PTPRN2: variants seen among roughly 807,000 people sequenced by gnomAD.
PTPRN2 encodes the protein receptor-type tyrosine-protein phosphatase N2.
In PTPRN2, 74 loss-of-function variants were observed where a neutral mutation model predicts 118.8. The ratio of observed to expected loss-of-function variants is 0.62; its 90% CI spans 0.52 to 0.76. PTPRN2 has a LOEUF of 0.76. Ranked by LOEUF, PTPRN2 falls within the 30% of genes least tolerant of loss-of-function variation. The probability of loss-of-function intolerance (pLI) is 0.00; values close to 1 mark genes in which losing one functional copy is unlikely to be tolerated. For missense variants in PTPRN2, 1,481 were observed against 1,394.4 expected, an observed-to-expected ratio of 1.06 and a Z score of -0.99; for synonymous variants, 641 against 608.0, an observed-to-expected ratio of 1.05 and a Z score of -0.80.
chr7:158,032,328 C>A (rs987438441), intron 11 of PTPRN2, among the ~76,000 whole-genome samples: 2 of 152,176 alleles, frequency 1.3e-5, no homozygotes, highest in Non-Finnish European at 2.9e-5. Context: ...TTAGAGACAG[C>A]ACAGCCCCTG....
rs201254918 is a variant in PTPRN2, at chr7:157,997,665, AAG to A, written c.1723+83631_1723+83632del. Reference sequence around the variant, plus strand: ...TGACAGAAAGCCGGGTTTCTACAGAAAGAGGAGGCCAGGGAGGGGCAGAGCCT... The same window carrying A: ...TGACAGAAAGCCGGGTTTCTACAGAAAGGAGGCCAGGGAGGGGCAGAGCCT... On this transcript the variant is annotated intron_variant, in intron 11 of 22. Coordinates refer to ENST00000389418, the MANE Select transcript of PTPRN2 (RefSeq NM_002847.5). 3.9e-3 allele frequency among the ~76,000 whole-genome samples: 587 copies of A among 150,794 alleles called. 4 individuals carry two copies. Among genetic ancestry groups the A allele is most frequent in the African/African-American group, 0.012 (485 of 41,116 alleles).
In PTPRN2 at chr7:157,587,617, G is replaced by C. The variant is rs1385109794; in HGVS notation, c.2496+7621C>G. On this transcript the variant is annotated intron_variant, in intron 17 of 22. Transcript: ENST00000389418. This position sits in a 1 kb window ranked among gnomAD's most constrained non-coding sequence, Gnocchi z 5.3. Reference sequence around the variant, plus strand: ...GAAATTGAAAGTGCACCTTTTTCTTGGTAAAATGTTGATGTGCAATAAGAG... The same window carrying C: ...GAAATTGAAAGTGCACCTTTTTCTTCGTAAAATGTTGATGTGCAATAAGAG... Among the ~76,000 whole-genome samples the C allele has an allele frequency of 6.6e-6, 1 of 152,206 alleles. No homozygotes were observed. The highest frequency in any genetic ancestry group is 1.5e-5 in the Non-Finnish European group (1 of 68,040).
intron 1 of PTPRN2, among the ~76,000 whole-genome samples, chr7:158,515,884 G>A (rs368801458): frequency 4.5e-4 from 69 of 152,210 alleles, no homozygotes; most frequent in African/African-American, 1.6e-3. Context: ...TCCTAAATAC[G>A]TTTCCACACT....
intron 13 of PTPRN2, among the ~76,000 whole-genome samples, chr7:157,662,257 G>A (rs1795924999): frequency 6.6e-6 from 1 of 152,240 alleles, no homozygotes; most frequent in African/African-American, 2.4e-5. Flanking sequence ...CTTTGGGCCT[G>A]TGCCTGACAC....
intron 6 of PTPRN2, among the ~76,000 whole-genome samples, chr7:158,147,294 C>A (rs866050253): frequency 1.3e-5 from 1 of 78,460 alleles, no homozygotes; most frequent in Non-Finnish European, 3.0e-5. Context: ...CTTTCCCCTT[C>A]AATGACACCC....
At chr7:158,234,296 A>T (rs1829374173) in intron 3 of PTPRN2, among the ~76,000 whole-genome samples, 1 of 152,090 alleles carries the variant, frequency 6.6e-6, no homozygotes, top group African/African-American at 2.4e-5. Context: ...CCTCTAATTT[A>T]AAAATGGGCA....
intron 14 of PTPRN2, among the ~76,000 whole-genome samples, chr7:157,652,136 C>A (rs1805704056): frequency 6.6e-6 from 1 of 152,206 alleles, no homozygotes; most frequent in African/African-American, 2.4e-5. Context: ...GAAGGCAAAG[C>A]AACACAAAAA....
At chr7:158,408,937 G>A (rs1389615853) in intron 2 of PTPRN2, among the ~76,000 whole-genome samples, 1 of 150,388 alleles carries the variant, frequency 6.6e-6, no homozygotes, top group African/African-American at 2.5e-5. Context: ...TGACTTAAAC[G>A]ATACAAAGTT....
At chr7:158,437,348 T>C (rs1816640200) in intron 2 of PTPRN2, among the ~76,000 whole-genome samples, 2 of 152,262 alleles carry the variant, frequency 1.3e-5, no homozygotes, top group South Asian at 4.1e-4. Context: ...TTCTTGAACA[T>C]ATCAACCACA....
chr7:158,083,065 G>A (rs758525422), intron 10 of PTPRN2, among the ~76,000 whole-genome samples: 1 of 152,150 alleles, frequency 6.6e-6, no homozygotes. Flanking sequence ...CCCTACTCCC[G>A]AGTGAGCACT....
intron 3 of PTPRN2, among the ~76,000 whole-genome samples, chr7:158,234,786 G>T (rs753275871): frequency 9.9e-5 from 15 of 151,870 alleles, no homozygotes; most frequent in African/African-American, 2.9e-4. Context: ...CTTTTGAGAC[G>T]GAGTCTTGCT....
At chr7:157,556,862 AACAT>A (rs1341829017) in intron 21 of PTPRN2, among the ~76,000 whole-genome samples, 3 of 151,838 alleles carry the variant, frequency 2.0e-5, no homozygotes, top group Admixed American at 1.3e-4. Flanking sequence ...ACACTCACAC[AACAT>A]ACATATCCAT....
chr7:157,584,057 G>A (rs1158077598), intron 17 of PTPRN2, among the ~76,000 whole-genome samples: 1 of 152,154 alleles, frequency 6.6e-6, no homozygotes, highest in East Asian at 1.9e-4. Flanking sequence ...AGCTAGTTGG[G>A]AGGCTGAGGT....
rs777960165 is a variant in PTPRN2, at chr7:158,133,756, C to T, written c.1477G>A (p.Glu493Lys). Residue 493 changes from glutamate to lysine, a missense_variant, in exon 9 of 23, where the codon GAG (glutamate) becomes AAG (lysine). Physicochemically the swap from Glu to Lys is moderately conservative, Grantham distance 56 (BLOSUM62 1). Coordinates refer to ENST00000389418, the MANE Select transcript of PTPRN2 (RefSeq NM_002847.5). ...AATTGCAGGCCGTCGCTGAGGGCCT[C>T]CTGAGCACCCGCTGGAAGGCTCTGC... is the stretch of plus-strand genomic sequence containing the variant. ...EEQSLPAGAQ[E>K]ALSDGLQLEV... 15 of 1,613,628 alleles carry T rather than the reference C, an allele frequency of 9.3e-6. No individual in the cohort carries two copies. The East Asian group carries it at 2.5e-4, about 26-fold the overall frequency.
At chr7:157,685,457 G>A (rs1797140525) in intron 12 of PTPRN2, among the ~76,000 whole-genome samples, 2 of 152,106 alleles carry the variant, frequency 1.3e-5, no homozygotes, top group Admixed American at 6.5e-5. Flanking sequence ...GGGTGTGTGG[G>A]GTTCCGAGGC....
At chr7:158,372,196 A>G (rs985685299) in intron 2 of PTPRN2, among the ~76,000 whole-genome samples, 2 of 148,064 alleles carry the variant, frequency 1.4e-5, no homozygotes, top group African/African-American at 2.6e-5. Flanking sequence ...TGGACCCCCA[A>G]CGCTGGTCCC....
At position 158,574,762 on chromosome 7, in the gene PTPRN2, G is replaced by A. The variant is rs889135459; in HGVS notation, c.112+12796C>T. Among the ~76,000 whole-genome samples the A allele has an allele frequency of 4.7e-4, 72 of 152,326 alleles. No individual in the cohort carries two copies. Among genetic ancestry groups the A allele is most frequent in the African/African-American group, 1.6e-3 (66 of 41,582 alleles). ...TGCTACATGTGAGGACTGCATGCCCGGCAGCTTCCTCCACATGCATCAGGC... is the reference window on the plus strand; with the variant it reads ...TGCTACATGTGAGGACTGCATGCCCAGCAGCTTCCTCCACATGCATCAGGC... On this transcript the variant is annotated intron_variant, in intron 1 of 22. Coordinates refer to ENST00000389418, the MANE Select transcript of PTPRN2 (RefSeq NM_002847.5). The surrounding 1 kb of genome is among the most constrained non-coding windows in gnomAD (Gnocchi z 4.6).
At chr7:158,507,049 A>G (rs1822801466) in intron 1 of PTPRN2, among the ~76,000 whole-genome samples, 1 of 151,948 alleles carries the variant, frequency 6.6e-6, no homozygotes, top group Admixed American at 6.5e-5. Context: ...ACTGGGGGGA[A>G]TGGGCTCTGA....
intron 6 of PTPRN2, among the ~76,000 whole-genome samples, chr7:158,150,836 C>G (rs901626474): frequency 7.9e-5 from 12 of 152,054 alleles, no homozygotes; most frequent in Non-Finnish European, 1.8e-4. Flanking sequence ...TGGTTGCACC[C>G]CAGCCACTCT....
Sources: allele counts gnomAD v4.1 joint callset (sites outside exome capture counted in the v4.1 genomes callset), GRCh38; gene constraint gnomAD v4.1.1; non-coding constraint Gnocchi (gnomAD v3.1); transcripts MANE v1.5; gene names NCBI Gene and HGNC (gene_info 2026-07-23, HGNC 2026-07-21).